The following HKDC1 variants were observed in gnomAD, a reference collection of about 807,000 sequenced individuals.
HKDC1 encodes hexokinase domain containing 1, also known as hexokinase HKDC1.
Under a neutral mutation model 96.6 loss-of-function variants are expected in HKDC1, and 66 were observed. That is an observed-to-expected ratio of 0.68 (90% CI 0.56 to 0.84). The LOEUF (loss-of-function observed/expected upper bound fraction) is 0.84. Among genes scored for constraint, HKDC1 ranks in the 40% least tolerant of loss-of-function variants. The pLI is 0.00. For synonymous variants in HKDC1, 466 were observed against 473.1 expected (o/e 0.98, Z 0.20); for missense variants, 1,211 against 1,208.1 (o/e 1.00, Z -0.04).
chr10:69,261,976 T>A, intron 16 of HKDC1: 1 of 298,532 alleles, frequency 3.3e-6, no homozygotes, highest in Non-Finnish European at 6.9e-6. Flanking sequence ...ACCCAGATGC[T>A]TAATTAGATT....
chr10:69,265,143 T>C (rs1252693193), intron 16 of HKDC1, among the ~76,000 whole-genome samples: 2 of 152,092 alleles, frequency 1.3e-5, no homozygotes, highest in Non-Finnish European at 2.9e-5. Flanking sequence ...GGCCTCCAAT[T>C]GAAGGGGGCC....
chr10:69,240,714 C>T lies in HKDC1; in HGVS notation c.654C>T (p.Ala218=). The stretch of plus-strand genomic sequence containing the variant: ...CCGTGGGGACCATGATGACCTGTGC[C>T]TATGACGACCCCTACTGCGAAGTTG... ...NDTVGTMMTC[A]YDDPYCEVGV... The change falls in exon 6 of 18, where the codon GCC becomes GCT. Residue 218 remains alanine, a synonymous_variant. Transcript: ENST00000354624. 1.2e-6 allele frequency: 2 copies of T among 1,614,084 alleles called. No homozygotes were observed. The highest frequency in any genetic ancestry group is 1.7e-6 in the Non-Finnish European group (2 of 1,179,996).
At chr10:69,228,875 A>G (rs1371192925) in intron 2 of HKDC1, among the ~76,000 whole-genome samples, 3 of 151,110 alleles carry the variant, frequency 2.0e-5, no homozygotes, top group Non-Finnish European at 4.4e-5. Context: ...AAAAAGAAAG[A>G]AAGAAAGGAA....
At chr10:69,246,403 A>G (rs1843541875) in intron 8 of HKDC1, among the ~76,000 whole-genome samples, 169 bp downstream of exon 8, 1 of 152,220 alleles carries the variant, frequency 6.6e-6, no homozygotes, top group African/African-American at 2.4e-5. Context: ...GCCATGACTC[A>G]GATGAGAGGT....
In HKDC1 at chr10:69,257,298, GTTTTTTTT is replaced by G. The variant is rs767921929; in HGVS notation, c.1933-28_1933-21del. The G allele has an allele frequency of 4.0e-5, 63 of 1,588,212 alleles. No individual in the cohort carries two copies. In the African/African-American group the frequency reaches 6.9e-4, roughly 17 times the overall value. On this transcript the variant is annotated intron_variant, in intron 13 of 17. Transcript: ENST00000354624. The stretch of plus-strand genomic sequence containing the variant: ...CACATTCAACTCATAGTAAAGCTGG[GTTTTTTTT>G]GTTTTTGTTTTTGTTTTTAGGAGTT...
chr10:69,248,324 C>G, intron 9 of HKDC1, 100 bp from the exon 10 acceptor site: 1 of 1,272,820 alleles, frequency 7.9e-7, no homozygotes, highest in Non-Finnish European at 1.1e-6. Context: ...GAGCCCCGCC[C>G]CGCAGGGCCC....
At chr10:69,256,964 T>C (rs1195811034) in intron 12 of HKDC1, 72 bp from the exon 13 acceptor site, 1 of 1,121,200 alleles carries the variant, frequency 8.9e-7, no homozygotes, top group African/African-American at 1.5e-5. Context: ...GCTTTGCATC[T>C]GTTGGATGTT....
chr10:69,236,320 C>G (rs1194321766), intron 4 of HKDC1, among the ~76,000 whole-genome samples: 1 of 151,558 alleles, frequency 6.6e-6, no homozygotes, highest in Non-Finnish European at 1.5e-5. Context: ...GTTGGCCAGG[C>G]TGGTCTTGAA....
chr10:69,228,357 C>CTGA (rs1843195872), intron 2 of HKDC1, among the ~76,000 whole-genome samples: 1 of 152,168 alleles, frequency 6.6e-6, no homozygotes, highest in African/African-American at 2.4e-5. Context: ...TCAAGGTCAG[C>CTGA]TGATGAGCAA....
At chr10:69,257,175 C>T in intron 13 of HKDC1, 44 bp downstream of exon 13, 2 of 1,557,650 alleles carry the variant, frequency 1.3e-6, no homozygotes, top group Non-Finnish European at 1.8e-6. Flanking sequence ...TGCTGCCTTC[C>T]CCAGGCCCCT....
At chr10:69,227,466 C>G in intron 2 of HKDC1, 97 bp downstream of exon 2, 1 of 1,306,100 alleles carries the variant, frequency 7.7e-7, no homozygotes, top group East Asian at 2.4e-5. Flanking sequence ...GCTTCTCTCT[C>G]TAGCCCTCTC....
At chr10:69,259,008 A>G (rs753804454) in intron 15 of HKDC1, 49 bp downstream of exon 15, 1 of 1,392,272 alleles carries the variant, frequency 7.2e-7, no homozygotes, top group East Asian at 2.6e-5. Context: ...AGTGAACAAC[A>G]CTACCAGACC....
chr10:69,234,735 T>G (rs950345727), intron 4 of HKDC1, among the ~76,000 whole-genome samples: 8 of 152,230 alleles, frequency 5.3e-5, no homozygotes, highest in African/African-American at 1.9e-4. Context: ...ATCCCTAAAT[T>G]CAACAGAGGT....
chr10:69,262,034 T>C, intron 16 of HKDC1: 1 of 411,958 alleles, frequency 2.4e-6, no homozygotes, highest in Middle Eastern at 3.4e-4. Flanking sequence ...CATTGAGTTG[T>C]CTGTCTGTCT....
At chr10:69,247,175 T>C (rs910554829) in intron 8 of HKDC1, among the ~76,000 whole-genome samples, 185 bp from the exon 9 acceptor site, 2 of 152,220 alleles carry the variant, frequency 1.3e-5, no homozygotes, top group African/African-American at 2.4e-5. Flanking sequence ...GACAAGTACC[T>C]GGCTCATGGT....
intron 6 of HKDC1, among the ~76,000 whole-genome samples, chr10:69,241,825 G>C (rs938818462): frequency 6.6e-6 from 1 of 152,172 alleles, no homozygotes; most frequent in African/African-American, 2.4e-5. Flanking sequence ...CTGCTGTGTG[G>C]ATAATAGATT....
At chr10:69,220,841 G>T (rs1342948886) in intron 1 of HKDC1, among the ~76,000 whole-genome samples, 1 of 152,196 alleles carries the variant, frequency 6.6e-6, no homozygotes, top group African/African-American at 2.4e-5. Context: ...CATTTTCAAA[G>T]AAGTTTTAAG....
Position 69,232,744 on chromosome 10 carries a change from C to T in HKDC1, c.227-20C>T. ...GTAGTAGACCCTCAATAAATGGAAACTGAATTTGTTTCTTAATAGAAAATG... is the reference window on the plus strand; with the variant it reads ...GTAGTAGACCCTCAATAAATGGAAATTGAATTTGTTTCTTAATAGAAAATG... On this transcript the variant is annotated intron_variant, in intron 2 of 17. Coordinates refer to ENST00000354624, the MANE Select transcript of HKDC1 (RefSeq NM_025130.4). 1 of 1,612,726 alleles carries T rather than the reference C, an allele frequency of 6.2e-7. No individual in the cohort carries two copies. The highest frequency in any genetic ancestry group is 8.5e-7 in the Non-Finnish European group (1 of 1,178,974).
intron 7 of HKDC1, among the ~76,000 whole-genome samples, chr10:69,244,366 A>G (rs1467541878): frequency 1.3e-5 from 2 of 152,084 alleles, no homozygotes; most frequent in Non-Finnish European, 2.9e-5. Flanking sequence ...CGATTCAAAC[A>G]CTAGAACTGT....
Sources: gnomAD v4.1 joint callset for allele counts (sites outside exome capture counted in the v4.1 genomes callset) on GRCh38, gnomAD v4.1.1 for gene constraint, MANE v1.5 for transcripts, NCBI Gene and HGNC (gene_info 2026-07-23, HGNC 2026-07-21) for gene names.